Variants in CFAP54 observed in about 807,000 individuals in gnomAD.
CFAP54 encodes cilia and flagella associated protein 54.
A neutral mutation model predicts 370.4 loss-of-function variants in CFAP54; 290 were observed. That is an observed-to-expected ratio of 0.78 (90% confidence interval 0.71 to 0.86). The LOEUF (loss-of-function observed/expected upper bound fraction) is 0.86. Ranked by LOEUF, CFAP54 falls within the 40% of genes least tolerant of loss-of-function variation. CFAP54 has a pLI of 0.00. For synonymous variants in CFAP54, 1,206 were observed against 1,236.5 expected, an observed-to-expected ratio of 0.98 and a Z score of 0.52; for missense variants, 3,399 against 3,528.7, an observed-to-expected ratio of 0.96 and a Z score of 0.93.
Position 96,743,713 on chromosome 12 carries a change from A to G in CFAP54, c.7378-18A>G, listed in dbSNP as rs2136643848. 2 of 1,572,398 alleles carry G rather than the reference A, an allele frequency of 1.3e-6. No homozygotes were observed. Among genetic ancestry groups the G allele is most frequent in the East Asian group, 2.3e-5 (1 of 43,814 alleles). On this transcript the variant is annotated intron_variant, in intron 53 of 67. Transcript: ENST00000524981. ...ATTGGAAACAGTACTATCAAAATGA[A>G]TAATTTTATTTTAATAGGATATAAT...
chr12:96,787,750 T>C (rs1349303471), intron 62 of CFAP54, among the ~76,000 whole-genome samples: 2 of 152,136 alleles, frequency 1.3e-5, no homozygotes, highest in Admixed American at 6.6e-5. Flanking sequence ...AGTGACAGGG[T>C]TAAAACAGAA....
intron 61 of CFAP54, among the ~76,000 whole-genome samples, chr12:96,786,354 T>C (rs1202907688): frequency 1.3e-5 from 2 of 152,140 alleles, no homozygotes; most frequent in African/African-American, 4.8e-5. Flanking sequence ...CTAATTTTTA[T>C]ATTTTTAGTA....
chr12:96,816,818 C>T (rs1383681184), intron 64 of CFAP54, among the ~76,000 whole-genome samples: 1 of 152,212 alleles, frequency 6.6e-6, no homozygotes, highest in Non-Finnish European at 1.5e-5. Flanking sequence ...AGCCTTTTCA[C>T]CTTCTGCCTC....
chr12:96,671,626 A>T (rs1282727872), intron 39 of CFAP54, among the ~76,000 whole-genome samples: 1 of 152,268 alleles, frequency 6.6e-6, no homozygotes, highest in South Asian at 2.1e-4. Context: ...ACCTATAGAA[A>T]GTCATTGAAT....
chr12:96,854,577 G>A (rs1959647528), intron 66 of CFAP54, among the ~76,000 whole-genome samples: 1 of 152,102 alleles, frequency 6.6e-6, no homozygotes, highest in Non-Finnish European at 1.5e-5. Flanking sequence ...AAGCAAGCAT[G>A]TATAAAAACT....
intron 66 of CFAP54, among the ~76,000 whole-genome samples, chr12:96,832,071 T>C (rs1228250382): frequency 6.6e-6 from 1 of 152,166 alleles, no homozygotes; most frequent in Non-Finnish European, 1.5e-5. Flanking sequence ...GGGGCAGTTC[T>C]TTCCCATGCT....
At chr12:96,641,986 A>G (rs1247593521) in intron 32 of CFAP54, among the ~76,000 whole-genome samples, 1 of 151,662 alleles carries the variant, frequency 6.6e-6, no homozygotes, top group South Asian at 2.1e-4. Context: ...TTAAATGACG[A>G]GTTAATGGGT....
At chr12:96,838,658 C>G (rs937265489) in intron 66 of CFAP54, among the ~76,000 whole-genome samples, 2 of 152,130 alleles carry the variant, frequency 1.3e-5, no homozygotes, top group African/African-American at 4.8e-5. Context: ...ATGATCCTAT[C>G]ACCTCCCACT....
chr12:96,646,034 G>A (rs1385704668), intron 33 of CFAP54: 4 of 152,116 alleles, frequency 2.6e-5, no homozygotes, highest in African/African-American at 9.7e-5. Context: ...CAGGACATAG[G>A]CATGGGCAAG....
chr12:96,592,891 T>A (rs1383221217), intron 24 of CFAP54, among the ~76,000 whole-genome samples: 1 of 152,166 alleles, frequency 6.6e-6, no homozygotes, highest in Non-Finnish European at 1.5e-5. Context: ...CATTTGAAAA[T>A]ATATAATGTA....
intron 50 of CFAP54, among the ~76,000 whole-genome samples, chr12:96,721,245 GA>G (rs1168609711): frequency 4.6e-5 from 7 of 152,080 alleles, no homozygotes; most frequent in Non-Finnish European, 5.9e-5. Flanking sequence ...AACCTATTTT[GA>G]AAAAGTAAGT....
At position 96,615,675 on chromosome 12, in the gene CFAP54, A is replaced by G. The variant is rs925977932; in HGVS notation, c.3640-5915A>G. 2.0e-4 allele frequency among the ~76,000 whole-genome samples: 31 copies of G among 152,260 alleles called. 1 individual carries two copies. The highest frequency in any genetic ancestry group is 6.7e-4 in the African/African-American group (28 of 41,502). On this transcript the variant is annotated intron_variant, in intron 26 of 67. Coordinates refer to ENST00000524981, the MANE Select transcript of CFAP54 (RefSeq NM_001306084.2). ...TCAAACAAATTTACAAGAAAAAAAT[A>G]AACAACCCCATCAACAAGTGGAGGA... is the stretch of plus-strand genomic sequence containing the variant.
chr12:96,777,650 A>G (rs1307138080), intron 60 of CFAP54, among the ~76,000 whole-genome samples: 3 of 152,024 alleles, frequency 2.0e-5, no homozygotes, highest in African/African-American at 7.2e-5. Context: ...CGCCTGGCCC[A>G]TCAAGGATAT....
chr12:96,594,783 C>T (rs369124612), intron 25 of CFAP54, among the ~76,000 whole-genome samples: 2 of 152,028 alleles, frequency 1.3e-5, no homozygotes, highest in East Asian at 3.9e-4. Flanking sequence ...ATTGTTAAAT[C>T]CATCATCTGG....
intron 23 of CFAP54, among the ~76,000 whole-genome samples, chr12:96,590,065 A>G (rs934285166): frequency 6.6e-6 from 1 of 152,210 alleles, no homozygotes; most frequent in Non-Finnish European, 1.5e-5. Flanking sequence ...TTCTTTCTAG[A>G]GTCAGCAAAA....
At chr12:96,640,426 G>C (rs148757878) in intron 32 of CFAP54, among the ~76,000 whole-genome samples, 1 of 152,124 alleles carries the variant, frequency 6.6e-6, no homozygotes, top group African/African-American at 2.4e-5. Context: ...AAATAAAAGA[G>C]GATAAAAACC....
At chr12:96,748,241 G>A (rs993919624) in intron 55 of CFAP54, among the ~76,000 whole-genome samples, 2 of 152,186 alleles carry the variant, frequency 1.3e-5, no homozygotes, top group African/African-American at 4.8e-5. Flanking sequence ...ATATCTAGAA[G>A]TTTCGCTCCT....
rs35000651 is a variant in CFAP54 at position 96,840,087 on chromosome 12, G to A, written c.9171+10999G>A. ...AGGGCTTGAAGTCAACTTTTAAGAA[G>A]GGAATGTGGTTTGGGAACTATTGTT... is the stretch of plus-strand genomic sequence containing the variant. On this transcript the variant is annotated intron_variant, in intron 66 of 67. Transcript: ENST00000524981. Among the ~76,000 whole-genome samples, 291 of 152,344 alleles carry A rather than the reference G, an allele frequency of 1.9e-3. 1 individual carries two copies. The highest frequency in any genetic ancestry group is 3.7e-3 in the Admixed American group (56 of 15,306).
chr12:96,855,667 A>G (rs1169777980), intron 66 of CFAP54, among the ~76,000 whole-genome samples: 1 of 152,192 alleles, frequency 6.6e-6, no homozygotes, highest in Non-Finnish European at 1.5e-5. Flanking sequence ...GTGGGCCCCC[A>G]CAGCCTTGGG....
Sources: gnomAD v4.1 joint callset for allele counts (sites outside exome capture counted in the v4.1 genomes callset) on GRCh38, gnomAD v4.1.1 for gene constraint, MANE v1.5 for transcripts, NCBI Gene and HGNC (gene_info 2026-07-23, HGNC 2026-07-21) for gene names.